Variants in LRRC43 observed in about 807,000 individuals in gnomAD.
LRRC43 encodes leucine rich repeat containing 43, also known as leucine-rich repeat-containing protein 43.
LRRC43 carries 62 observed loss-of-function variants against 64.3 expected under a neutral mutation model. That is an observed-to-expected ratio of 0.96 (90% CI 0.79 to 1.19). The LOEUF is 1.19. Ranked by LOEUF, LRRC43 falls within the 50% of genes most tolerant of loss-of-function variation. The pLI is 0.00. For missense variants in LRRC43, 868 were observed against 845.0 expected, an observed-to-expected ratio of 1.03 and a Z score of -0.34; for synonymous variants, 422 against 382.3, an observed-to-expected ratio of 1.10 and a Z score of -1.21.
upstream of LRRC43, among the ~76,000 whole-genome samples, chr12:122,180,627 G>A (rs1040460778): frequency 3.3e-5 from 5 of 152,166 alleles, no homozygotes; most frequent in African/African-American, 1.2e-4. Flanking sequence ...TTGGGATGAA[G>A]GGTGGAAGGG....
At chr12:122,190,393 G>A (rs757864111) in intron 5 of LRRC43, 25 bp downstream of exon 5, 4 of 1,583,786 alleles carry the variant, frequency 2.5e-6, no homozygotes, top group Non-Finnish European at 2.6e-6. Flanking sequence ...ATGCAGGGAG[G>A]GGGTGGCATG....
In LRRC43 at chr12:122,200,356, C is replaced by T. The variant is rs906068072; in HGVS notation, c.1491+26C>T. On this transcript the variant is annotated intron_variant, in intron 8 of 11. Transcript: ENST00000339777. This position sits in a 1 kb window ranked among gnomAD's most constrained non-coding sequence, Gnocchi z 4.6. ...GTGGGCAGGCGGAGGCAGTGCCCGGCCATCCACAGGCTGCACTTCTGTCCT... is the reference window on the plus strand; with the variant it reads ...GTGGGCAGGCGGAGGCAGTGCCCGGTCATCCACAGGCTGCACTTCTGTCCT... The T allele has an allele frequency of 3.7e-6, 6 of 1,608,218 alleles. No homozygotes were observed. In the African/African-American group the frequency reaches 6.7e-5, roughly 18 times the overall value.
chr12:122,178,167 A>G (rs1015929197), upstream of LRRC43, among the ~76,000 whole-genome samples: 4 of 151,482 alleles, frequency 2.6e-5, no homozygotes, highest in African/African-American at 9.7e-5. Flanking sequence ...GCTGTTTGTG[A>G]TATTTGTTAT....
intron 1 of LRRC43, among the ~76,000 whole-genome samples, chr12:122,183,730 C>A (rs1381728654): frequency 6.6e-6 from 1 of 152,206 alleles, no homozygotes; most frequent in African/African-American, 2.4e-5. Context: ...CATCCTGCCT[C>A]CCTGTCTCCA....
At chr12:122,176,147 G>T (rs1953535549) in intron 1 of LRRC43, among the ~76,000 whole-genome samples, 1 of 152,184 alleles carries the variant, frequency 6.6e-6, no homozygotes, top group South Asian at 2.1e-4. Flanking sequence ...TGACGGGCAG[G>T]ATACTTTAAG....
At position 122,192,894 on chromosome 12, in the gene LRRC43, G is replaced by A. The variant is rs1446955834; in HGVS notation, c.1239G>A (p.Glu413=). The A allele has an allele frequency of 6.2e-7, 1 of 1,614,214 alleles. No homozygotes were observed. The highest frequency in any genetic ancestry group is 8.5e-7 in the Non-Finnish European group (1 of 1,180,040). Reference sequence around the variant, plus strand: ...AGGTGGAGGAGTCAGGAGAGTCGGAGCTGTCTGTCATCTCGGGGCCTTCGA... The same window carrying A: ...AGGTGGAGGAGTCAGGAGAGTCGGAACTGTCTGTCATCTCGGGGCCTTCGA... The part of the protein sequence containing the change: ...ESEVEESGES[E]LSVISGPSTI... Residue 413 remains glutamate (E), a synonymous_variant, in exon 7 of 12, where the codon GAG becomes GAA. Coordinates refer to ENST00000339777, the MANE Select transcript of LRRC43 (RefSeq NM_001098519.2).
upstream of LRRC43, among the ~76,000 whole-genome samples, chr12:122,179,722 C>T (rs977175546): frequency 6.6e-6 from 1 of 152,160 alleles, no homozygotes; most frequent in South Asian, 2.1e-4. Context: ...CCTGTAATCC[C>T]AGCACTTTGG....
At chr12:122,176,556 A>C (rs1487825062) in intron 1 of LRRC43, among the ~76,000 whole-genome samples, 1 of 150,024 alleles carries the variant, frequency 6.7e-6, no homozygotes, top group Non-Finnish European at 1.5e-5. Context: ...TGGAGAGAAG[A>C]TCTCAAGCGA....
chr12:122,171,315 T>C (rs1593138132), intron 1 of LRRC43, among the ~76,000 whole-genome samples: 4 of 152,286 alleles, frequency 2.6e-5, no homozygotes, highest in African/African-American at 4.8e-5. Flanking sequence ...TGCCTCAGTT[T>C]CCCTACCTAT....
At chr12:122,198,204 C>G (rs1399792226) in intron 7 of LRRC43, among the ~76,000 whole-genome samples, 1 of 152,112 alleles carries the variant, frequency 6.6e-6, no homozygotes, top group Non-Finnish European at 1.5e-5. Flanking sequence ...GAGTTCGAGA[C>G]CAGAACTCCT....
Position 122,200,118 on chromosome 12 carries a change from A to C in LRRC43, c.1350-71A>C. 1 of 1,529,470 alleles carries C rather than the reference A, an allele frequency of 6.5e-7. No individual in the cohort carries two copies. Among genetic ancestry groups the C allele is most frequent in the Non-Finnish European group, 8.9e-7 (1 of 1,124,426 alleles). 94.7% of individuals were successfully genotyped at this position (1,529,470 alleles called of 1,614,324 possible). A position where few individuals can be genotyped will look rare whatever the true frequency, so the allele number is the denominator to read the frequency against. On this transcript the variant is annotated intron_variant, in intron 7 of 11. Coordinates refer to ENST00000339777, the MANE Select transcript of LRRC43 (RefSeq NM_001098519.2). This position sits in a 1 kb window ranked among gnomAD's most constrained non-coding sequence, Gnocchi z 4.6. ...GTGGTCTCCTCGGATGTCCCCTCAC[A>C]GTCCTGTCCCGGGTCCCTGGCCACA...
rs781206563 is a variant in LRRC43 at position 122,203,469 on chromosome 12, G to A, written c.*27G>A. On this transcript the variant is annotated 3_prime_UTR_variant, in exon 12 of 12. Transcript: ENST00000339777. ...GCGTGGGCAGTAAAGGCTGTTCCCA[G>A]CACTCCCGCCTCCGCTTCTGTCCCG... is the stretch of plus-strand genomic sequence containing the variant. 3 of 1,582,728 alleles carry A rather than the reference G, an allele frequency of 1.9e-6. No individual in the cohort carries two copies. The highest frequency in any genetic ancestry group is 2.7e-5 in the African/African-American group (2 of 74,142).
rs1382724646 is a variant in LRRC43 at position 122,184,869 on chromosome 12, G to A, written c.411+90G>A. 1 of 1,411,126 alleles carries A rather than the reference G, an allele frequency of 7.1e-7. No individual in the cohort carries two copies. Among genetic ancestry groups the A allele is most frequent in the Non-Finnish European group, 9.7e-7 (1 of 1,035,200 alleles). 87.4% of individuals were successfully genotyped at this position (1,411,126 alleles called of 1,614,324 possible). A position where few individuals can be genotyped will look rare whatever the true frequency, so the allele number is the denominator to read the frequency against. On this transcript the variant is annotated intron_variant, in intron 2 of 11. Coordinates refer to ENST00000339777, the MANE Select transcript of LRRC43 (RefSeq NM_001098519.2). The surrounding 1 kb of genome is among the most constrained non-coding windows in gnomAD (Gnocchi z 4.0). ...GGGCACCCTTCCCCACAGCGCGTCAGGGATCCTGCTTTCAGGGCTGAAACG... is the reference window on the plus strand; with the variant it reads ...GGGCACCCTTCCCCACAGCGCGTCAAGGATCCTGCTTTCAGGGCTGAAACG...
At chr12:122,177,644 G>A (rs1318773095) in intron 1 of LRRC43, among the ~76,000 whole-genome samples, 1 of 151,606 alleles carries the variant, frequency 6.6e-6, no homozygotes, top group Non-Finnish European at 1.5e-5. Flanking sequence ...AGTTGGGACT[G>A]TAGGCCTGCA....
chr12:122,194,391 A>T (rs1953754179), intron 7 of LRRC43, among the ~76,000 whole-genome samples: 1 of 151,672 alleles, frequency 6.6e-6, no homozygotes, highest in Non-Finnish European at 1.5e-5. Context: ...ACATGGTGAA[A>T]CACCATCTCT....
At chr12:122,178,245 A>G (rs1435973822), upstream of LRRC43, among the ~76,000 whole-genome samples, 1 of 152,032 alleles carries the variant, frequency 6.6e-6, no homozygotes, top group Non-Finnish European at 1.5e-5. Flanking sequence ...TTCAGCCTTC[A>G]TTTTACATGA....
intron 1 of LRRC43, chr12:122,174,133 C>T (rs776864600): frequency 2.3e-5 from 37 of 1,614,048 alleles, no homozygotes; most frequent in Middle Eastern, 1.7e-4. Flanking sequence ...CCCAAGACTC[C>T]GGAAGCACCA....
At chr12:122,175,268 C>G (rs1305848838) in intron 1 of LRRC43, among the ~76,000 whole-genome samples, 1 of 151,856 alleles carries the variant, frequency 6.6e-6, no homozygotes, top group African/African-American at 2.4e-5. Context: ...TTCCCAGGTT[C>G]AAGCAATTCT....
chr12:122,174,844 CTTT>C (rs765071459), intron 1 of LRRC43, among the ~76,000 whole-genome samples: 1 of 142,292 alleles, frequency 7.0e-6, no homozygotes, highest in Admixed American at 7.2e-5. Flanking sequence ...TATCTTTTTT[CTTT>C]TTTTTTTTTT....
Sources: gnomAD v4.1 joint callset for allele counts (sites outside exome capture counted in the v4.1 genomes callset) on GRCh38, gnomAD v4.1.1 for gene constraint, Gnocchi (gnomAD v3.1) non-coding constraint, MANE v1.5 for transcripts, NCBI Gene and HGNC (gene_info 2026-07-23, HGNC 2026-07-21) for gene names.